The following ITFG2 variants were observed in gnomAD, a reference collection of about 807,000 sequenced individuals.
The protein encoded by ITFG2 is KICSTOR complex protein ITFG2.
In ITFG2, 36 loss-of-function variants were observed where a neutral mutation model predicts 54.4. The ratio of observed to expected loss-of-function variants is 0.66; its 90% confidence interval spans 0.51 to 0.87. The LOEUF is 0.87. Ranked by LOEUF, ITFG2 falls within the 40% of genes least tolerant of loss-of-function variation. ITFG2 has a pLI of 0.00. For synonymous variants in ITFG2, 211 were observed against 225.4 expected (o/e 0.94, Z 0.57); for missense variants, 524 against 576.7 (o/e 0.91, Z 0.94).
intron 2 of ITFG2, chr12:2,849,346 C>G (rs1314134126): frequency 6.5e-7 from 1 of 1,536,118 alleles, no homozygotes; most frequent in East Asian, 2.4e-5. Flanking sequence ...TTGGAAATCC[C>G]TTATGAGGTC....
chr12:2,859,768 A>C, exon 4 of ITFG2: 1 of 795,756 alleles, frequency 1.3e-6, no homozygotes, highest in Non-Finnish European at 1.9e-6. Context: ...GAAGTCTTAA[A>C]ATCTATTAAA....
rs1261873869 is a variant in ITFG2, at chr12:2,855,507, G to C, written n.301-2505G>C. On this transcript the variant is annotated intron_variant and non_coding_transcript_variant, in intron 2 of 3. Transcript: ENST00000537710. ...TGCAGACAGGGGTGCAGAAAGGTGG[G>C]TGAGGCACTCCGCTCTCCTTCCCAG... 4 of 1,291,324 alleles carry C rather than the reference G, an allele frequency of 3.1e-6. No individual in the cohort carries two copies. In the African/African-American group the frequency reaches 4.5e-5, roughly 14 times the overall value. 80.0% of individuals were successfully genotyped at this position (1,291,324 alleles called of 1,614,324 possible).
intron 2 of ITFG2, among the ~76,000 whole-genome samples, chr12:2,846,018 G>C (rs192213923): frequency 1.3e-5 from 2 of 152,118 alleles, no homozygotes; most frequent in Non-Finnish European, 2.9e-5. Flanking sequence ...GGGTTGCCTC[G>C]TTAGGGTCCC....
At chr12:2,849,180 C>T (rs2098061921) in intron 2 of ITFG2, 1 of 1,486,818 alleles carries the variant, frequency 6.7e-7, no homozygotes. Flanking sequence ...TGATTGAGAA[C>T]ACTGGAGCCT....
At chr12:2,830,933 T>G (rs147360720), downstream of ITFG2, 27 of 1,529,926 alleles carry the variant, frequency 1.8e-5, no homozygotes, top group Middle Eastern at 2.4e-4. Flanking sequence ...TTACCCCACT[T>G]AGATACCCCA....
At chr12:2,858,582 A>G in intron 3 of ITFG2, 1 of 1,500,318 alleles carries the variant, frequency 6.7e-7, no homozygotes, top group South Asian at 1.2e-5. Context: ...GGGTGCACTG[A>G]GCCTTGGAGT....
chr12:2,830,488 GGGGGCAGAGTAATGGT>G (rs1437640747), intron 2 of ITFG2: 1 of 494,660 alleles, frequency 2.0e-6, no homozygotes, highest in African/African-American at 2.0e-5. Context: ...ACCAAGGAAG[GGGGGCAGAGTAATGGT>G]GGTGACAGAT....
chr12:2,832,698 G>A (rs988762312), upstream of ITFG2, among the ~76,000 whole-genome samples: 15 of 150,040 alleles, frequency 1.0e-4, no homozygotes, highest in Admixed American at 8.8e-4. Flanking sequence ...CCTGGAGAGC[G>A]CTTGAGTCTA....
upstream of ITFG2, among the ~76,000 whole-genome samples, chr12:2,835,988 A>G (rs1487614191): frequency 6.6e-6 from 1 of 152,224 alleles, no homozygotes; most frequent in Admixed American, 6.5e-5. Context: ...CTGCTGTGTA[A>G]CATAGTATTC....
intron 1 of ITFG2, among the ~76,000 whole-genome samples, chr12:2,814,970 A>G (rs1334056117): frequency 6.6e-6 from 1 of 152,172 alleles, no homozygotes; most frequent in African/African-American, 2.4e-5. Context: ...CAATTAAAAA[A>G]TAAAGATTTT....
chr12:2,837,573 G>A (rs2098031703), intron 1 of ITFG2, among the ~76,000 whole-genome samples: 1 of 152,092 alleles, frequency 6.6e-6, no homozygotes, highest in African/African-American at 2.4e-5. Context: ...GGAGGAGGAG[G>A]TTGCAGTGAG....
At chr12:2,847,650 G>A (rs2098057003) in intron 2 of ITFG2, among the ~76,000 whole-genome samples, 1 of 139,794 alleles carries the variant, frequency 7.2e-6, no homozygotes. Flanking sequence ...CTGGGTGACA[G>A]AGTAAGACTG....
At chr12:2,854,859 C>A in intron 2 of ITFG2, 1 of 1,504,466 alleles carries the variant, frequency 6.6e-7, no homozygotes, top group Non-Finnish European at 8.9e-7. Flanking sequence ...CTGGGCAGGG[C>A]AGGCTGGGTG....
At chr12:2,821,929 T>C (rs140966395) in intron 9 of ITFG2, 137 bp downstream of exon 9, 142 of 629,440 alleles carry the variant, frequency 2.3e-4, no homozygotes, top group South Asian at 1.6e-3. Context: ...TTTTTTTTTT[T>C]CCTTTTTTTT....
At chr12:2,835,329 CCCT>C (rs2098024375), upstream of ITFG2, among the ~76,000 whole-genome samples, 1 of 152,112 alleles carries the variant, frequency 6.6e-6, no homozygotes, top group African/African-American at 2.4e-5. Context: ...GTGGCCCCCG[CCCT>C]CCTCTGCATC....
At chr12:2,834,189 A>AC (rs914172635), upstream of ITFG2, among the ~76,000 whole-genome samples, 13 of 151,944 alleles carry the variant, frequency 8.6e-5, no homozygotes, top group Non-Finnish European at 1.9e-4. Flanking sequence ...AAGGATGGAG[A>AC]CCCCCGATGT....
rs201504517 is a variant in ITFG2, at chr12:2,859,050, G to A, written n.621-484G>A. 3.6e-4 allele frequency: 587 copies of A among 1,608,596 alleles called. 9 individuals carry two copies. The South Asian group carries it at 5.9e-3, about 16-fold the overall frequency. On this transcript the variant is annotated intron_variant and non_coding_transcript_variant, in intron 3 of 3. Coordinates refer to the ITFG2 transcript ENST00000537710. The stretch of plus-strand genomic sequence containing the variant: ...CAGTCCCCCTACTTTGGCTGGGGGC[G>A]TGAGCCTCCAGGATTCAGGGGTTCT...
At chr12:2,833,676 C>T (rs2098014279), upstream of ITFG2, among the ~76,000 whole-genome samples, 1 of 152,120 alleles carries the variant, frequency 6.6e-6, no homozygotes, top group South Asian at 2.1e-4. Context: ...TCCTCTCTTC[C>T]ACGGGTCAGA....
downstream of ITFG2, chr12:2,827,125 C>G (rs2097971262): frequency 7.5e-6 from 12 of 1,597,082 alleles, no homozygotes; most frequent in Middle Eastern, 1.7e-4. This position sits in a 1 kb window ranked among gnomAD's most constrained non-coding sequence, Gnocchi z 4.0. Flanking sequence ...CCCCAGCTAC[C>G]TGGCTTCAAG....
Sources: allele counts gnomAD v4.1 joint callset (sites outside exome capture counted in the v4.1 genomes callset), GRCh38; gene constraint gnomAD v4.1.1; non-coding constraint Gnocchi (gnomAD v3.1); transcripts MANE v1.5; gene names NCBI Gene and HGNC (gene_info 2026-07-23, HGNC 2026-07-21).